Variants in CADM2 observed in about 807,000 individuals in gnomAD.
The protein encoded by CADM2 is cell adhesion molecule 2.
Under a neutral mutation model 49.8 loss-of-function variants are expected in CADM2, and 12 were observed. That is an observed-to-expected ratio of 0.24 (90% CI 0.15 to 0.39). CADM2 has a LOEUF of 0.39. CADM2 is among the 10% of genes least tolerant of loss of function. The pLI is 1.00. For missense variants in CADM2, 378 were observed against 492.3 expected, an observed-to-expected ratio of 0.77 and a Z score of 2.20; for synonymous variants, 214 against 175.4, an observed-to-expected ratio of 1.22 and a Z score of -1.74.
intron 1 of CADM2, among the ~76,000 whole-genome samples, chr3:85,505,845 A>G (rs2040327011): frequency 6.6e-6 from 1 of 152,208 alleles, no homozygotes; most frequent in African/African-American, 2.4e-5. Context: ...CTAGTCAAAC[A>G]GCAATGAAAC....
intron 3 of CADM2, among the ~76,000 whole-genome samples, chr3:85,837,690 G>A (rs1477269785): frequency 6.6e-6 from 1 of 151,634 alleles, no homozygotes; most frequent in African/African-American, 2.4e-5. Context: ...CATGAACTCT[G>A]ACAAACAATA....
chr3:85,368,080 C>T (rs1444963031), intron 1 of CADM2, among the ~76,000 whole-genome samples: 1 of 151,888 alleles, frequency 6.6e-6, no homozygotes, highest in Non-Finnish European at 1.5e-5. Context: ...TTTTTATGGC[C>T]CCTTAGCAAA....
chr3:85,598,544 A>G (rs184279211), intron 1 of CADM2, among the ~76,000 whole-genome samples: 2 of 152,032 alleles, frequency 1.3e-5, no homozygotes, highest in Admixed American at 6.6e-5. Flanking sequence ...ACCATAATTT[A>G]CTGTGAAAAA....
intron 1 of CADM2, among the ~76,000 whole-genome samples, chr3:85,069,504 T>A (rs537329088): frequency 6.6e-6 from 1 of 152,264 alleles, no homozygotes; most frequent in Admixed American, 6.5e-5. Flanking sequence ...TAAGCATAAG[T>A]TAAACATGAA....
At chr3:86,013,761 G>A (rs1731845791) in intron 8 of CADM2, 1 of 1,590,610 alleles carries the variant, frequency 6.3e-7, no homozygotes, top group Non-Finnish European at 8.6e-7. Flanking sequence ...AATTTTGGCT[G>A]TGAAATTTCA....
At chr3:86,042,246 A>C (rs1453787480) in intron 8 of CADM2, among the ~76,000 whole-genome samples, 1 of 152,114 alleles carries the variant, frequency 6.6e-6, no homozygotes, top group Non-Finnish European at 1.5e-5. Context: ...AACTGAAGGA[A>C]ATAGAGACAC....
chr3:85,321,131 T>G (rs1237979984), intron 1 of CADM2, among the ~76,000 whole-genome samples: 1 of 13,080 alleles, frequency 7.6e-5, no homozygotes, highest in African/African-American at 5.6e-4. Flanking sequence ...TTTTTTTTTT[T>G]TTTTTTTTTT....
At chr3:85,243,345 T>C (rs2042574841) in intron 1 of CADM2, among the ~76,000 whole-genome samples, 1 of 151,974 alleles carries the variant, frequency 6.6e-6, no homozygotes, top group Admixed American at 6.6e-5. Flanking sequence ...ATGTATTTTA[T>C]TCTTATAAAA....
At chr3:85,841,682 G>C (rs1480449698) in intron 3 of CADM2, among the ~76,000 whole-genome samples, 5 of 151,840 alleles carry the variant, frequency 3.3e-5, no homozygotes, top group African/African-American at 1.2e-4. Context: ...ACATAATTAA[G>C]GTTCAAAAAA....
intron 1 of CADM2, among the ~76,000 whole-genome samples, chr3:85,631,484 T>C (rs1030231034): frequency 1.3e-5 from 2 of 152,080 alleles, no homozygotes; most frequent in Admixed American, 6.6e-5. Context: ...ACAGAAAATC[T>C]AGGCTGTAGG....
intron 1 of CADM2, among the ~76,000 whole-genome samples, chr3:85,520,313 ATTTT>A (rs2061002326): frequency 6.6e-6 from 1 of 151,800 alleles, no homozygotes; most frequent in Admixed American, 6.6e-5. Flanking sequence ...TAAAATATTT[ATTTT>A]ATTTAGTATA....
At chr3:85,881,721 A>G (rs976591791) in intron 3 of CADM2, among the ~76,000 whole-genome samples, 1 of 152,184 alleles carries the variant, frequency 6.6e-6, no homozygotes, top group Non-Finnish European at 1.5e-5. Context: ...GTAGTGGTCT[A>G]GGTGAGCTAA....
rs183361164 is a variant in CADM2, at chr3:85,894,471, A to G, written c.529+8144A>G. On this transcript the variant is annotated intron_variant, in intron 5 of 9. Coordinates refer to ENST00000383699, the MANE Select transcript of CADM2 (RefSeq NM_001167675.2). ...TGTAACTAACCTGCATGTTGTGCAC[A>G]TGTACCCTAAAACTTAAAGTATAAA... Among the ~76,000 whole-genome samples the G allele has an allele frequency of 1.4e-4, 21 of 152,224 alleles. No individual in the cohort carries two copies. In the East Asian group the frequency reaches 4.1e-3, roughly 29 times the overall value.
chr3:85,375,798 C>A lies in CADM2; in HGVS notation c.62-350724C>A, dbSNP rs114172617. Among the ~76,000 whole-genome samples, 680 of 152,170 alleles carry A rather than the reference C, an allele frequency of 4.5e-3. 4 individuals carry two copies. The highest frequency in any genetic ancestry group is 0.015 in the African/African-American group (609 of 41,528). ...TTATTTCTCCAAATAATTATTAGCC[C>A]CTTCCCACTATAAACACTTCAATAC... On this transcript the variant is annotated intron_variant, in intron 1 of 9. Transcript: ENST00000383699.
At chr3:85,861,268 G>T (rs150817836) in intron 3 of CADM2, among the ~76,000 whole-genome samples, 94 of 152,298 alleles carry the variant, frequency 6.2e-4, no homozygotes, top group African/African-American at 2.3e-3. Context: ...ATGCTTTTCA[G>T]TCTATTTCCA....
intron 1 of CADM2, among the ~76,000 whole-genome samples, chr3:85,358,503 A>G (rs1245238298): frequency 6.6e-6 from 1 of 152,084 alleles, no homozygotes; most frequent in Non-Finnish European, 1.5e-5. Flanking sequence ...CAAGAATTCA[A>G]TTGGTGGGTG....
intron 1 of CADM2, among the ~76,000 whole-genome samples, chr3:85,381,454 A>G (rs1355418712): frequency 6.8e-6 from 1 of 147,886 alleles, no homozygotes; most frequent in Admixed American, 6.8e-5. Context: ...AAATATATAT[A>G]TAAACTGTAT....
At chr3:85,443,034 C>G (rs182366962) in intron 1 of CADM2, among the ~76,000 whole-genome samples, 10 of 151,964 alleles carry the variant, frequency 6.6e-5, no homozygotes, top group African/African-American at 2.4e-4. Flanking sequence ...TTATTTTAGT[C>G]AAACTTATAA....
At chr3:85,042,668 A>G (rs571732999) in intron 1 of CADM2, among the ~76,000 whole-genome samples, 2 of 152,344 alleles carry the variant, frequency 1.3e-5, no homozygotes, top group Non-Finnish European at 2.9e-5. Flanking sequence ...GCATTACAGC[A>G]GAACAGTTTT....
Sources: gnomAD v4.1 joint callset for allele counts (sites outside exome capture counted in the v4.1 genomes callset) on GRCh38, gnomAD v4.1.1 for gene constraint, MANE v1.5 for transcripts, NCBI Gene and HGNC (gene_info 2026-07-23, HGNC 2026-07-21) for gene names.